Variants in FOSL2 observed in about 807,000 individuals in gnomAD.
FOSL2 encodes the protein FOS like 2, AP-1 transcription factor subunit.
A neutral mutation model predicts 27.7 loss-of-function variants in FOSL2; 3 were observed. The observed-to-expected ratio is 0.11, with a 90% CI of 0.05 to 0.28. The LOEUF is 0.28. FOSL2 is among the 10% of genes least tolerant of loss of function. The pLI, the probability that FOSL2 is intolerant of heterozygous loss-of-function variation, is 1.00. For synonymous variants in FOSL2, 179 were observed against 190.1 expected, an observed-to-expected ratio of 0.94 and a Z score of 0.48; for missense variants, 333 against 445.1, an observed-to-expected ratio of 0.75 and a Z score of 2.27.
rs1464737589 is a variant in FOSL2, at chr2:28,414,269, C to CT, written c.*1821_*1822insT. The CT allele has an allele frequency of 6.3e-6, 1 of 157,792 alleles. No individual in the cohort carries two copies. The highest frequency in any genetic ancestry group is 1.4e-5 in the Non-Finnish European group (1 of 72,032). The allele number at this position is 157,792 out of a possible 1,614,324, so 9.8% of individuals were successfully genotyped here. A position where few individuals can be genotyped will look rare whatever the true frequency, so the allele number is the denominator to read the frequency against. On this transcript the variant is annotated 3_prime_UTR_variant, in exon 4 of 4. Transcript: ENST00000264716. Reference sequence around the variant, plus strand: ...GACCTGTTTTCGTGCACTAGACACACAGAGTGGAACAGCCGTATGCTTAAA... The same window carrying CT: ...GACCTGTTTTCGTGCACTAGACACACTAGAGTGGAACAGCCGTATGCTTAAA...
intron 1 of FOSL2, among the ~76,000 whole-genome samples, chr2:28,401,529 T>C (rs937041731): frequency 3.3e-5 from 5 of 152,156 alleles, no homozygotes; most frequent in Non-Finnish European, 7.4e-5. Flanking sequence ...CTCAACCCCA[T>C]GCCTCCTGAC....
chr2:28,393,729 G>C lies in FOSL2; in HGVS notation c.9G>C (p.Gln3His). Reference sequence around the variant, plus strand: ...GGCCCCCACCGCGGATCATGTACCAGGATTATCCCGGGAACTTTGACACCT... The same window carrying C: ...GGCCCCCACCGCGGATCATGTACCACGATTATCCCGGGAACTTTGACACCT... MY[Q>H]DYPGNFDTSS... Residue 3 changes from glutamine to histidine, a missense_variant, in exon 1 of 4, where the codon CAG (glutamine) becomes CAC (histidine). Around this residue, in one of 4 missense-constraint regions of FOSL2, gnomAD observed 131 missense variants for 157.9 expected, o/e 0.83. Coordinates refer to ENST00000264716, the MANE Select transcript of FOSL2 (RefSeq NM_005253.4). The surrounding 1 kb of genome is among the most constrained non-coding windows in gnomAD (Gnocchi z 4.6). The C allele has an allele frequency of 6.2e-7, 1 of 1,609,356 alleles. No individual in the cohort carries two copies. The highest frequency in any genetic ancestry group is 8.5e-7 in the Non-Finnish European group (1 of 1,177,982).
At chr2:28,410,016 C>T (rs1381326203) in intron 3 of FOSL2, among the ~76,000 whole-genome samples, 1 of 152,230 alleles carries the variant, frequency 6.6e-6, no homozygotes, top group African/African-American at 2.4e-5. Context: ...GCTGGGATTA[C>T]AGGCGTGAGC....
At chr2:28,396,787 A>AGGACACACACACAC (rs2148077366) in intron 1 of FOSL2, 1 of 58,090 alleles carries the variant, frequency 1.7e-5, no homozygotes, top group Admixed American at 2.3e-4. Context: ...ACCCCTTCCC[A>AGGACACACACACAC]AGACACACAC....
Position 28,393,532 on chromosome 2 carries a change from G to T in FOSL2, c.-189G>T. On this transcript the variant is annotated 5_prime_UTR_variant, in exon 1 of 4. Coordinates refer to ENST00000264716, the MANE Select transcript of FOSL2 (RefSeq NM_005253.4). The surrounding 1 kb of genome is among the most constrained non-coding windows in gnomAD (Gnocchi z 4.6). ...AGAAGTGCTGTAAGGGACGCTCGGG[G>T]GACGCTGTTCCTGAGGTGTCGCCGC... 1 of 557,296 alleles carries T rather than the reference G, an allele frequency of 1.8e-6. No individual in the cohort carries two copies. Among genetic ancestry groups the T allele is most frequent in the Non-Finnish European group, 3.2e-6 (1 of 312,630 alleles). 34.5% of individuals were successfully genotyped at this position (557,296 alleles called of 1,614,324 possible). A position where few individuals can be genotyped will look rare whatever the true frequency, so the allele number is the denominator to read the frequency against.
intron 1 of FOSL2, among the ~76,000 whole-genome samples, chr2:28,397,540 A>C (rs796437038): frequency 6.6e-6 from 1 of 152,222 alleles, no homozygotes; most frequent in Non-Finnish European, 1.5e-5. Flanking sequence ...AATAGCAGTC[A>C]TGTATTGTCT....
rs1292901943 is a variant in FOSL2 at position 28,393,859 on chromosome 2, G to A, written c.102+37G>A. On this transcript the variant is annotated intron_variant, in intron 1 of 3. Coordinates refer to ENST00000264716, the MANE Select transcript of FOSL2 (RefSeq NM_005253.4). This position sits in a 1 kb window ranked among gnomAD's most constrained non-coding sequence, Gnocchi z 4.6. ...CCCCGGTGCACCTGGCGGCGCGGGC[G>A]GACCCCTGCCCTCTTCTCGCCGCCA... is the stretch of plus-strand genomic sequence containing the variant. 3 of 1,440,362 alleles carry A rather than the reference G, an allele frequency of 2.1e-6. No individual in the cohort carries two copies. Among genetic ancestry groups the A allele is most frequent in the Admixed American group, 1.9e-5 (1 of 51,642 alleles). The allele number at this position is 1,440,362 out of a possible 1,614,324, so 89.2% of individuals were successfully genotyped here. A position where few individuals can be genotyped will look rare whatever the true frequency, so the allele number is the denominator to read the frequency against.
intron 1 of FOSL2, chr2:28,394,657 C>G (rs1378335785): frequency 6.6e-6 from 1 of 152,282 alleles, no homozygotes; most frequent in Non-Finnish European, 1.5e-5. Flanking sequence ...CTAAAGCAGC[C>G]GGACTGGTTT....
chr2:28,410,434 G>GA, intron 3 of FOSL2: 2 of 251,462 alleles, frequency 8.0e-6, no homozygotes, highest in Non-Finnish European at 1.1e-5. Context: ...CCCGCCCTCT[G>GA]ACCCAGCCAC....
chr2:28,409,385 C>T (rs1318621071), intron 3 of FOSL2, among the ~76,000 whole-genome samples: 1 of 152,182 alleles, frequency 6.6e-6, no homozygotes, highest in Non-Finnish European at 1.5e-5. Context: ...GGGGTTTTCT[C>T]ATTTCCTTTA....
intron 1 of FOSL2, among the ~76,000 whole-genome samples, chr2:28,402,198 T>C (rs1290331036): frequency 6.6e-6 from 1 of 152,138 alleles, no homozygotes; most frequent in Non-Finnish European, 1.5e-5. Context: ...TGGGTAACTT[T>C]CCTCCAGAAT....
chr2:28,402,300 G>A (rs1467246462), intron 1 of FOSL2, among the ~76,000 whole-genome samples: 7 of 152,198 alleles, frequency 4.6e-5, no homozygotes, highest in Admixed American at 4.6e-4. Flanking sequence ...AATCCATTGT[G>A]CTGGGCAGCT....
At chr2:28,394,190 A>G (rs1451474569) in intron 1 of FOSL2, among the ~76,000 whole-genome samples, 2 of 140,000 alleles carry the variant, frequency 1.4e-5, no homozygotes, top group Non-Finnish European at 3.1e-5. Context: ...GTGGACAGAC[A>G]AGAAAATCTT....
chr2:28,397,276 A>G (rs910363266), intron 1 of FOSL2, among the ~76,000 whole-genome samples: 5 of 152,128 alleles, frequency 3.3e-5, no homozygotes, highest in African/African-American at 1.2e-4. Flanking sequence ...CTGTCTATTC[A>G]TTAGGTTGCC....
chr2:28,411,020 T>C (rs1287882140), intron 3 of FOSL2, among the ~76,000 whole-genome samples: 1 of 151,782 alleles, frequency 6.6e-6, no homozygotes, highest in Admixed American at 6.6e-5. Flanking sequence ...TGGTGGCAGG[T>C]GCCTGTAGTC....
chr2:28,409,742 TTA>T (rs1260047191), intron 3 of FOSL2, among the ~76,000 whole-genome samples: 2 of 152,106 alleles, frequency 1.3e-5, no homozygotes, highest in African/African-American at 4.8e-5. Flanking sequence ...ACTTTTTTTG[TTA>T]TTATAATTTT....
In FOSL2 at chr2:28,414,355, A is replaced by G. The variant is rs1048673535; in HGVS notation, c.*1907A>G. 3 of 152,540 alleles carry G rather than the reference A, an allele frequency of 2.0e-5. No homozygotes were observed. Among genetic ancestry groups the G allele is most frequent in the Non-Finnish European group, 4.4e-5 (3 of 68,272 alleles). The allele number at this position is 152,540 out of a possible 1,614,324, so 9.4% of individuals were successfully genotyped here. A position where few individuals can be genotyped will look rare whatever the true frequency, so the allele number is the denominator to read the frequency against. On this transcript the variant is annotated 3_prime_UTR_variant, in exon 4 of 4. Coordinates refer to ENST00000264716, the MANE Select transcript of FOSL2 (RefSeq NM_005253.4). ...AAGTGATGCAGAAAGGAGGGTTTCA[A>G]AGAAAAAGGATTTTGTTTAAAATAC...
chr2:28,393,796 T>C lies in FOSL2; in HGVS notation c.76T>C (p.Tyr26His), dbSNP rs1663737667. Residue 26 changes from tyrosine to histidine, a missense_variant, in exon 1 of 4, where the codon TAC (tyrosine) becomes CAC (histidine). This residue lies in a region of FOSL2 where 131 missense variants were observed against 157.9 expected (regional missense o/e 0.83). Coordinates refer to ENST00000264716, the MANE Select transcript of FOSL2 (RefSeq NM_005253.4). This position sits in a 1 kb window ranked among gnomAD's most constrained non-coding sequence, Gnocchi z 4.6. ...SSGSPAHAES[Y>H]SSGGGGQQKF... is the part of the protein sequence containing the mutation. ...CGGCTCTCCTGCGCACGCCGAGTCC[T>C]ACTCCAGCGGCGGCGGCGGCCAGCA... The C allele has an allele frequency of 1.2e-6, 2 of 1,604,556 alleles. No individual in the cohort carries two copies. The highest frequency in any genetic ancestry group is 2.2e-5 in the South Asian group (2 of 89,880).
chr2:28,399,051 A>G (rs1023486688), intron 1 of FOSL2, among the ~76,000 whole-genome samples: 1 of 152,224 alleles, frequency 6.6e-6, no homozygotes, highest in Non-Finnish European at 1.5e-5. Flanking sequence ...GGGAATCTAA[A>G]GAAAGGGTTC....
Sources: gnomAD v4.1 joint callset for allele counts (sites outside exome capture counted in the v4.1 genomes callset) on GRCh38, gnomAD v4.1.1 for gene constraint, gnomAD v4.1.1 regional missense constraint, Gnocchi (gnomAD v3.1) non-coding constraint, MANE v1.5 for transcripts, NCBI Gene and HGNC (gene_info 2026-07-23, HGNC 2026-07-21) for gene names.